DTNB: variants seen among roughly 807,000 people sequenced by gnomAD.
DTNB encodes DTN-B.
In DTNB, 63 loss-of-function variants were observed where a neutral mutation model predicts 90.7. The ratio of observed to expected loss-of-function variants is 0.69; its 90% CI spans 0.57 to 0.86. The LOEUF is 0.86. Ranked by LOEUF, DTNB falls within the 40% of genes least tolerant of loss-of-function variation. The pLI, the probability that DTNB is intolerant of heterozygous loss-of-function variation, is 0.00. For missense variants in DTNB, 744 were observed against 807.1 expected (o/e 0.92, Z 0.95); for synonymous variants, 277 against 286.7 (o/e 0.97, Z 0.34).
chr2:25,589,933 G>T (rs570676605), intron 6 of DTNB, among the ~76,000 whole-genome samples: 1 of 152,206 alleles, frequency 6.6e-6, no homozygotes, highest in Non-Finnish European at 1.5e-5. Context: ...GCAGTGAAGC[G>T]AGTGTGAAGG....
At chr2:25,533,968 A>ATTTT in intron 8 of DTNB, among the ~76,000 whole-genome samples, 1 of 148,534 alleles carries the variant, frequency 6.7e-6, no homozygotes, top group Non-Finnish European at 1.5e-5. Context: ...TTATTTATTT[A>ATTTT]TTTTTTGGAA....
intron 8 of DTNB, 65 bp from the exon 9 acceptor site, chr2:25,531,662 GA>G (rs894967708): frequency 3.9e-6 from 6 of 1,545,236 alleles, no homozygotes; most frequent in African/African-American, 1.4e-5. Context: ...CTTCAAAAAA[GA>G]AAAAAACTTT....
chr2:25,535,779 GGC>G (rs2079528628), intron 8 of DTNB, among the ~76,000 whole-genome samples: 1 of 147,216 alleles, frequency 6.8e-6, no homozygotes, highest in African/African-American at 2.6e-5. Context: ...GCCAGGCAGA[GGC>G]ACTCCTCACT....
At chr2:25,385,953 T>G in intron 18 of DTNB, 27 of 928,064 alleles carry the variant, frequency 2.9e-5, no homozygotes, top group South Asian at 4.9e-5. Flanking sequence ...CGAAATTCCC[T>G]GAGAAATTTC....
At chr2:25,503,416 C>T (rs2071377911) in intron 9 of DTNB, among the ~76,000 whole-genome samples, 1 of 151,524 alleles carries the variant, frequency 6.6e-6, no homozygotes, top group South Asian at 2.1e-4. Context: ...TCACTTGAGC[C>T]CAGGAGTTCA....
At chr2:25,605,499 A>G (rs962473591) in intron 5 of DTNB, among the ~76,000 whole-genome samples, 2 of 152,268 alleles carry the variant, frequency 1.3e-5, no homozygotes, top group East Asian at 1.9e-4. Context: ...ACTAACAGTT[A>G]TAACGCAGAA....
chr2:25,454,334 T>G (rs906954912), intron 11 of DTNB, among the ~76,000 whole-genome samples: 5 of 152,176 alleles, frequency 3.3e-5, no homozygotes, highest in African/African-American at 1.2e-4. Context: ...CTTCTGTTAT[T>G]AGGGGAAGTA....
chr2:25,392,179 T>C (rs1207464581), intron 16 of DTNB, among the ~76,000 whole-genome samples: 2 of 151,916 alleles, frequency 1.3e-5, no homozygotes, highest in South Asian at 2.1e-4. Flanking sequence ...GAGGCCAAGG[T>C]GGGTGGATCA....
chr2:25,470,028 A>G (rs982182010), intron 10 of DTNB, among the ~76,000 whole-genome samples: 3 of 152,192 alleles, frequency 2.0e-5, no homozygotes, highest in African/African-American at 4.8e-5. Flanking sequence ...AAGATCCTAC[A>G]TGGAAGCTCT....
intron 6 of DTNB, among the ~76,000 whole-genome samples, chr2:25,582,378 T>C (rs535203082): frequency 1.3e-5 from 2 of 152,302 alleles, no homozygotes; most frequent in East Asian, 1.9e-4. Context: ...TGGGAGAATC[T>C]TGATTCCAGT....
chr2:25,479,389 G>C (rs2064439085), intron 10 of DTNB, among the ~76,000 whole-genome samples: 1 of 152,162 alleles, frequency 6.6e-6, no homozygotes, highest in Non-Finnish European at 1.5e-5. Flanking sequence ...TTGGACAGGG[G>C]AGGGGTATTT....
At chr2:25,550,286 G>C (rs566127012) in intron 8 of DTNB, among the ~76,000 whole-genome samples, 1 of 152,252 alleles carries the variant, frequency 6.6e-6, no homozygotes, top group Non-Finnish European at 1.5e-5. Flanking sequence ...AGCTACTCGG[G>C]AGGCTGAGGC....
At chr2:25,634,808 G>A (rs2076779083) in intron 3 of DTNB, among the ~76,000 whole-genome samples, 1 of 112,734 alleles carries the variant, frequency 8.9e-6, no homozygotes, top group African/African-American at 2.8e-5. Context: ...AGGGTTAAAT[G>A]GATTAAGGGC....
chr2:25,560,548 C>G (rs1329757821), intron 8 of DTNB, among the ~76,000 whole-genome samples: 1 of 151,322 alleles, frequency 6.6e-6, no homozygotes, highest in Non-Finnish European at 1.5e-5. Flanking sequence ...AGGTCTGGAG[C>G]CTGCTGGAAC....
At chr2:25,610,777 T>C (rs2068416849) in intron 4 of DTNB, among the ~76,000 whole-genome samples, 1 of 152,078 alleles carries the variant, frequency 6.6e-6, no homozygotes, top group African/African-American at 2.4e-5. Flanking sequence ...TGGTGTGATC[T>C]TGGCTCACTG....
At chr2:25,602,888 G>A (rs1395106378) in intron 5 of DTNB, among the ~76,000 whole-genome samples, 1 of 152,022 alleles carries the variant, frequency 6.6e-6, no homozygotes, top group Non-Finnish European at 1.5e-5. Context: ...AATCATGTGG[G>A]TGTCCCAAAA....
chr2:25,488,466 A>C (rs2066664606), intron 9 of DTNB, among the ~76,000 whole-genome samples: 1 of 152,122 alleles, frequency 6.6e-6, no homozygotes, highest in South Asian at 2.1e-4. Context: ...ATAGGATTTG[A>C]GTTTTGAAAT....
intron 5 of DTNB, among the ~76,000 whole-genome samples, chr2:25,600,880 C>G (rs1326653090): frequency 3.9e-5 from 6 of 152,070 alleles, no homozygotes; most frequent in Admixed American, 3.9e-4. Flanking sequence ...CAAAGTAATA[C>G]AAAATTTTTT....
intron 12 of DTNB, among the ~76,000 whole-genome samples, chr2:25,440,914 A>G (rs552986640): frequency 2.6e-4 from 39 of 152,288 alleles, no homozygotes; most frequent in African/African-American, 8.9e-4. Flanking sequence ...CCTGTGGTAC[A>G]GGTAACAGGA....
Sources: allele counts gnomAD v4.1 joint callset (sites outside exome capture counted in the v4.1 genomes callset), GRCh38; gene constraint gnomAD v4.1.1; transcripts MANE v1.5; gene names NCBI Gene and HGNC (gene_info 2026-07-23, HGNC 2026-07-21).